SIL1: variants seen among roughly 807,000 people sequenced by gnomAD.
The protein encoded by SIL1 is nucleotide exchange factor SIL1.
In SIL1, 40 loss-of-function variants were observed where a neutral mutation model predicts 49.1. The observed-to-expected ratio is 0.81, with a 90% CI of 0.63 to 1.06. The LOEUF (loss-of-function observed/expected upper bound fraction) is 1.06. Ranked by LOEUF, SIL1 falls within the 50% of genes least tolerant of loss-of-function variation. SIL1 has a pLI of 0.00. For missense variants in SIL1, 500 were observed against 572.6 expected, an observed-to-expected ratio of 0.87 and a Z score of 1.29; for synonymous variants, 253 against 250.8, an observed-to-expected ratio of 1.01 and a Z score of -0.08.
intron 5 of SIL1, among the ~76,000 whole-genome samples, chr5:139,031,027 G>A (rs1410556639): frequency 6.6e-6 from 1 of 152,108 alleles, no homozygotes. Flanking sequence ...ATAAAATGAG[G>A]ACTGCTGGTA....
At chr5:139,143,330 C>CATATATATATATAT (rs1213045532) in intron 1 of SIL1, among the ~76,000 whole-genome samples, 2 of 95,902 alleles carry the variant, frequency 2.1e-5, no homozygotes, top group African/African-American at 7.6e-5. Flanking sequence ...CACACACACA[C>CATATATATATATAT]ACACACACAC....
intron 1 of SIL1, among the ~76,000 whole-genome samples, chr5:139,135,709 CAA>C (rs34039650): frequency 1.6e-4 from 15 of 96,330 alleles, no homozygotes; most frequent in East Asian, 3.8e-4. Flanking sequence ...AACAAACTAG[CAA>C]AAAAAAAAAA....
chr5:139,034,355 G>A (rs1472157966), intron 5 of SIL1: 2 of 151,952 alleles, frequency 1.3e-5, no homozygotes, highest in African/African-American at 4.8e-5. Flanking sequence ...ATATGTTAGA[G>A]CTTAAATACA....
At chr5:139,093,970 T>C (rs1770398637) in intron 3 of SIL1, 2 of 152,220 alleles carry the variant, frequency 1.3e-5, no homozygotes, top group African/African-American at 2.4e-5. Flanking sequence ...TCCTGGATCA[T>C]GTTTCAGGTT....
At chr5:138,968,760 C>G (rs924627595) in intron 7 of SIL1, among the ~76,000 whole-genome samples, 2 of 152,180 alleles carry the variant, frequency 1.3e-5, no homozygotes, top group Admixed American at 1.3e-4. Flanking sequence ...TTAACAGGAG[C>G]TGCCTGCAGA....
At chr5:139,061,939 A>G (rs1769598568) in intron 3 of SIL1, among the ~76,000 whole-genome samples, 1 of 152,208 alleles carries the variant, frequency 6.6e-6, no homozygotes, top group Non-Finnish European at 1.5e-5. Flanking sequence ...ATACAAAAAT[A>G]TAGAACAGGA....
At chr5:139,139,796 G>A (rs1356289560) in intron 1 of SIL1, among the ~76,000 whole-genome samples, 5 of 152,056 alleles carry the variant, frequency 3.3e-5, no homozygotes, top group Non-Finnish European at 7.4e-5. Context: ...AGACCAGCCT[G>A]GCCAACATGG....
chr5:139,009,867 C>T (rs1393450421), intron 7 of SIL1, among the ~76,000 whole-genome samples: 4 of 143,272 alleles, frequency 2.8e-5, no homozygotes, highest in Non-Finnish European at 4.6e-5. Context: ...TGAGGGTAAC[C>T]CGACCTTTCT....
At chr5:139,143,340 C>CATATATAT (rs1398396877) in intron 1 of SIL1, among the ~76,000 whole-genome samples, 66 of 85,146 alleles carry the variant, frequency 7.8e-4, no homozygotes, top group African/African-American at 2.9e-3. Flanking sequence ...CACACACACA[C>CATATATAT]ACACATATAT....
chr5:138,970,496 A>G (rs1474085899), intron 7 of SIL1, among the ~76,000 whole-genome samples: 1 of 152,178 alleles, frequency 6.6e-6, no homozygotes, highest in Non-Finnish European at 1.5e-5. Flanking sequence ...TTCCTTCCTC[A>G]TCTATGGAAA....
At chr5:139,023,701 G>C (rs758151199) in intron 6 of SIL1, among the ~76,000 whole-genome samples, 6 of 152,222 alleles carry the variant, frequency 3.9e-5, no homozygotes, top group Non-Finnish European at 5.9e-5. Flanking sequence ...AATGAGAAAG[G>C]ACTGGGGAAG....
intron 6 of SIL1, chr5:139,021,775 C>A: frequency 4.9e-6 from 1 of 202,266 alleles, no homozygotes; most frequent in South Asian, 8.7e-5. Flanking sequence ...AGGGGGGTTG[C>A]CGTAAGAGTG....
At chr5:139,076,823 C>G (rs970470936) in intron 3 of SIL1, among the ~76,000 whole-genome samples, 1 of 152,080 alleles carries the variant, frequency 6.6e-6, no homozygotes, top group Admixed American at 6.6e-5. Context: ...AAAGAGTCAC[C>G]AGAAAGAAAG....
intron 7 of SIL1, among the ~76,000 whole-genome samples, chr5:138,991,623 G>T (rs1196582315): frequency 6.6e-6 from 1 of 152,216 alleles, no homozygotes; most frequent in Non-Finnish European, 1.5e-5. Context: ...GTACAGGGTC[G>T]ATATTTCCTG....
chr5:138,960,967 G>A (rs1247443409), intron 7 of SIL1, among the ~76,000 whole-genome samples: 1 of 152,180 alleles, frequency 6.6e-6, no homozygotes, highest in Non-Finnish European at 1.5e-5. Flanking sequence ...TCTGGATCTG[G>A]GTGGTGGTTA....
intron 7 of SIL1, among the ~76,000 whole-genome samples, chr5:138,968,875 C>A (rs1767209648): frequency 6.6e-6 from 1 of 152,122 alleles, no homozygotes; most frequent in Non-Finnish European, 1.5e-5. Flanking sequence ...GAGCACCTTG[C>A]CCATTCCAAG....
At chr5:139,089,483 C>G (rs567834797) in intron 3 of SIL1, among the ~76,000 whole-genome samples, 1 of 152,222 alleles carries the variant, frequency 6.6e-6, no homozygotes, top group African/African-American at 2.4e-5. Context: ...TCCACCTGTC[C>G]CTATGTACTA....
chr5:139,126,874 C>T (rs1288587127), intron 2 of SIL1, among the ~76,000 whole-genome samples: 1 of 152,176 alleles, frequency 6.6e-6, no homozygotes, highest in Non-Finnish European at 1.5e-5. Context: ...AGCGCTTTAT[C>T]CAACATTTAG....
chr5:138,979,222 G>A lies in SIL1; in HGVS notation c.768-27338C>T, dbSNP rs967203544. On this transcript the variant is annotated intron_variant, in intron 7 of 9. Coordinates refer to ENST00000394817, the MANE Select transcript of SIL1 (RefSeq NM_022464.5). Reference sequence around the variant, plus strand: ...TGGGATAACAGGAGTGCACCACCACGCCCAGCTAATTTCTGTATTTTTAGT... The same window carrying A: ...TGGGATAACAGGAGTGCACCACCACACCCAGCTAATTTCTGTATTTTTAGT... Among the ~76,000 whole-genome samples the A allele has an allele frequency of 7.2e-5, 11 of 151,758 alleles. No homozygotes were observed. The Middle Eastern group carries it at 0.014, about 188-fold the overall frequency.
Sources: gnomAD v4.1 joint callset for allele counts (sites outside exome capture counted in the v4.1 genomes callset) on GRCh38, gnomAD v4.1.1 for gene constraint, MANE v1.5 for transcripts, NCBI Gene and HGNC (gene_info 2026-07-23, HGNC 2026-07-21) for gene names.